Variants in PRPSAP2 observed in about 807,000 individuals in gnomAD.
The protein encoded by PRPSAP2 is phosphoribosyl pyrophosphate synthase-associated protein 2.
A neutral mutation model predicts 40.6 loss-of-function variants in PRPSAP2; 24 were observed. The observed-to-expected ratio is 0.59, with a 90% CI of 0.43 to 0.83. The LOEUF (loss-of-function observed/expected upper bound fraction) is 0.83, where lower values mean the gene tolerates loss of function less well. Among genes scored for constraint, PRPSAP2 ranks in the 40% least tolerant of loss-of-function variants. The pLI is 0.00. For missense variants in PRPSAP2, 292 were observed against 465.6 expected (o/e 0.63, Z 3.43); for synonymous variants, 149 against 164.7 (o/e 0.90, Z 0.73).
At chr17:18,921,961 C>T (rs1463301808) in intron 9 of PRPSAP2, among the ~76,000 whole-genome samples, 1 of 152,196 alleles carries the variant, frequency 6.6e-6, no homozygotes, top group African/African-American at 2.4e-5. Context: ...GAACACCCTG[C>T]ACCCATTAAG....
chr17:18,908,274 A>G, intron 8 of PRPSAP2: 1 of 769,722 alleles, frequency 1.3e-6, no homozygotes, highest in Non-Finnish European at 2.4e-6. Context: ...CCGCTTTCGC[A>G]GCACGCCAAG....
intron 9 of PRPSAP2, 152 bp from the exon 10 acceptor site, chr17:18,923,762 G>T (rs550290917): frequency 1.5e-6 from 1 of 668,136 alleles, no homozygotes; most frequent in Non-Finnish European, 2.4e-6. Flanking sequence ...CAAGTTAGCT[G>T]TGGGTTTTTG....
chr17:18,880,647 G>C (rs969569298), intron 6 of PRPSAP2, among the ~76,000 whole-genome samples: 1 of 152,106 alleles, frequency 6.6e-6, no homozygotes, highest in African/African-American at 2.4e-5. Flanking sequence ...GGGCTCAAGT[G>C]ATACTCCTGC....
intron 9 of PRPSAP2, among the ~76,000 whole-genome samples, chr17:18,918,346 A>G (rs1449217523): frequency 6.6e-6 from 1 of 152,170 alleles, no homozygotes; most frequent in Non-Finnish European, 1.5e-5. Context: ...GATGGTGGAA[A>G]GCCCAGGACG....
intron 8 of PRPSAP2, among the ~76,000 whole-genome samples, chr17:18,909,524 G>A (rs944531470): frequency 1.3e-5 from 2 of 152,052 alleles, no homozygotes; most frequent in Non-Finnish European, 2.9e-5. Flanking sequence ...GATTACAGGC[G>A]TGAGCCACTG....
At chr17:18,879,552 T>C (rs112429999) in intron 6 of PRPSAP2, among the ~76,000 whole-genome samples, 80,151 of 151,664 alleles carry the variant, frequency 0.53, 21,439 homozygotes, top group Middle Eastern at 0.6. Context: ...TTCCTGGGTT[T>C]AAGCGATTCA....
At chr17:18,896,713 A>G (rs576001636) in intron 8 of PRPSAP2, among the ~76,000 whole-genome samples, 2 of 149,114 alleles carry the variant, frequency 1.3e-5, no homozygotes, top group East Asian at 4.0e-4. Context: ...ACACAGAGTG[A>G]CTCTAAGTTT....
At chr17:18,902,869 C>CAA (rs58345106) in intron 8 of PRPSAP2, among the ~76,000 whole-genome samples, 37 of 73,122 alleles carry the variant, frequency 5.1e-4, no homozygotes, top group East Asian at 2.1e-3. Flanking sequence ...AACTCCATCT[C>CAA]AAAAAAAAAA....
At chr17:18,930,196 C>A (rs2042186996) in intron 11 of PRPSAP2, among the ~76,000 whole-genome samples, 1 of 152,082 alleles carries the variant, frequency 6.6e-6, no homozygotes, top group Admixed American at 6.5e-5. Context: ...CGCGGTGAAA[C>A]CCCGTCTCTA....
At chr17:18,886,350 C>A (rs1239423718) in intron 7 of PRPSAP2, among the ~76,000 whole-genome samples, 2 of 151,738 alleles carry the variant, frequency 1.3e-5, no homozygotes, top group African/African-American at 2.4e-5. Flanking sequence ...GAAATTTTTG[C>A]CATCTATACT....
At chr17:18,898,089 C>G (rs1353694902) in intron 8 of PRPSAP2, among the ~76,000 whole-genome samples, 1 of 148,724 alleles carries the variant, frequency 6.7e-6, no homozygotes, top group Non-Finnish European at 1.5e-5. Flanking sequence ...ACCTCCGCCT[C>G]CCGGGTTCAA....
chr17:18,901,663 A>G, intron 8 of PRPSAP2, among the ~76,000 whole-genome samples: 1 of 152,190 alleles, frequency 6.6e-6, no homozygotes, highest in Non-Finnish European at 1.5e-5. Flanking sequence ...GGCATGAGCC[A>G]CTGCGCCTGG....
intron 1 of PRPSAP2, among the ~76,000 whole-genome samples, chr17:18,861,840 A>G (rs1316589189): frequency 6.6e-6 from 1 of 152,174 alleles, no homozygotes; most frequent in African/African-American, 2.4e-5. Flanking sequence ...GAGTACAAGA[A>G]CCAGTGGGCA....
chr17:18,891,081 AG>A (rs1266955227), intron 8 of PRPSAP2, among the ~76,000 whole-genome samples: 1 of 152,220 alleles, frequency 6.6e-6, no homozygotes, highest in Admixed American at 6.5e-5. Flanking sequence ...TTCCTAAAAA[AG>A]CCCTTTTAAA....
intron 11 of PRPSAP2, among the ~76,000 whole-genome samples, chr17:18,929,287 G>A (rs1597790242): frequency 1.3e-5 from 2 of 151,922 alleles, no homozygotes; most frequent in Non-Finnish European, 2.9e-5. Context: ...AACCCAGAGG[G>A]CAGTGGCTGC....
At chr17:18,861,282 T>C (rs570746558) in intron 1 of PRPSAP2, 1 of 151,888 alleles carries the variant, frequency 6.6e-6, no homozygotes, top group Admixed American at 6.6e-5. Context: ...CTGACCAACA[T>C]GGAGAAACCC....
chr17:18,919,534 G>C (rs1023312175), intron 9 of PRPSAP2, among the ~76,000 whole-genome samples: 1 of 151,858 alleles, frequency 6.6e-6, no homozygotes, highest in African/African-American at 2.4e-5. Context: ...GCCAGGCATG[G>C]TGGTGTGCCT....
In PRPSAP2 at chr17:18,911,303, A is replaced by G. The variant is rs780633829; in HGVS notation, c.733+52A>G. The G allele has an allele frequency of 1.1e-5, 16 of 1,485,288 alleles. No homozygotes were observed. The East Asian group carries it at 3.8e-4, about 35-fold the overall frequency. 92.0% of individuals were successfully genotyped at this position (1,485,288 alleles called of 1,614,324 possible). A position where few individuals can be genotyped will look rare whatever the true frequency, so the allele number is the denominator to read the frequency against. On this transcript the variant is annotated intron_variant, in intron 9 of 11. Coordinates refer to ENST00000268835, the MANE Select transcript of PRPSAP2 (RefSeq NM_002767.4). The surrounding 1 kb of genome is among the most constrained non-coding windows in gnomAD (Gnocchi z 4.5). Reference sequence around the variant, plus strand: ...CTTTCCTCTGATTTTAAGGCTGACTACACTGTTGTCTGTGTGGTTTTTTTC... The same window carrying G: ...CTTTCCTCTGATTTTAAGGCTGACTGCACTGTTGTCTGTGTGGTTTTTTTC...
At chr17:18,920,996 C>A (rs2041658547) in intron 9 of PRPSAP2, among the ~76,000 whole-genome samples, 1 of 149,466 alleles carries the variant, frequency 6.7e-6, no homozygotes, top group East Asian at 1.9e-4. Context: ...ACAGCAATTT[C>A]TTTTTTTTTT....
Sources: gnomAD v4.1 joint callset for allele counts (sites outside exome capture counted in the v4.1 genomes callset) on GRCh38, gnomAD v4.1.1 for gene constraint, Gnocchi (gnomAD v3.1) non-coding constraint, MANE v1.5 for transcripts, NCBI Gene and HGNC (gene_info 2026-07-23, HGNC 2026-07-21) for gene names.